OLFM2: variants seen among roughly 807,000 people sequenced by gnomAD.
The protein encoded by OLFM2 is noelin-2.
A neutral mutation model predicts 43.9 loss-of-function variants in OLFM2; 20 were observed. The observed-to-expected ratio is 0.46, with a 90% CI of 0.32 to 0.66. The LOEUF is 0.66. Ranked by LOEUF, OLFM2 falls within the 30% of genes least tolerant of loss-of-function variation. The pLI is 0.04. For missense variants in OLFM2, 416 were observed against 643.6 expected (o/e 0.65, Z 3.83); for synonymous variants, 268 against 278.6 (o/e 0.96, Z 0.38).
At chr19:9,931,225 G>C (rs773370247) in intron 1 of OLFM2, among the ~76,000 whole-genome samples, 19 of 152,182 alleles carry the variant, frequency 1.2e-4, no homozygotes, top group Admixed American at 3.3e-4. Context: ...TGGAATGTCA[G>C]GCACAGGTAA....
At chr19:9,888,991 G>A (rs867668114) in intron 1 of OLFM2, among the ~76,000 whole-genome samples, 9 of 152,084 alleles carry the variant, frequency 5.9e-5, no homozygotes, top group African/African-American at 1.4e-4. Context: ...GCTTGAAGCC[G>A]GGAGGCAGAG....
rs943265453 is a variant in OLFM2 at position 9,854,494 on chromosome 19, G to A, written c.1057C>T (p.His353Tyr). ...GNIVVSRLDP[H>Y]TLEVMRSWDT... ...CAGGACCGCATGACCTCGAGGGTGT[G>A]CGGGTCCAGCCGGCTGACCACGATG... is the stretch of plus-strand genomic sequence containing the variant. Residue 353 changes from histidine (H) to tyrosine (Y), a missense_variant, in exon 6 of 6, where the codon CAC (histidine) becomes TAC (tyrosine). Coordinates refer to ENST00000264833, the MANE Select transcript of OLFM2 (RefSeq NM_058164.4). The surrounding 1 kb of genome is among the most constrained non-coding windows in gnomAD (Gnocchi z 9.5). 2 of 1,613,848 alleles carry A rather than the reference G, an allele frequency of 1.2e-6. No homozygotes were observed. Among genetic ancestry groups the A allele is most frequent in the Non-Finnish European group, 1.7e-6 (2 of 1,180,042 alleles).
At chr19:9,907,675 G>C (rs2046795865) in intron 1 of OLFM2, among the ~76,000 whole-genome samples, 1 of 152,020 alleles carries the variant, frequency 6.6e-6, no homozygotes, top group South Asian at 2.1e-4. Context: ...GACAGACACA[G>C]AGAGACATGG....
chr19:9,913,557 A>G, intron 1 of OLFM2: 1 of 1,247,482 alleles, frequency 8.0e-7, no homozygotes, highest in South Asian at 2.3e-5. Flanking sequence ...TGCGACATCC[A>G]GTTGGTGACC....
At chr19:9,859,764 A>T (rs945601067) in intron 2 of OLFM2, among the ~76,000 whole-genome samples, 1 of 152,194 alleles carries the variant, frequency 6.6e-6, no homozygotes, top group Non-Finnish European at 1.5e-5. Flanking sequence ...GAGCTCACAC[A>T]CAGGAGACTC....
In OLFM2 at chr19:9,854,476, G is replaced by A. The variant is rs868535638; in HGVS notation, c.1075C>T (p.Arg359Trp). ...TTGGGGTAGCCGGTGTCCCAGGACCGCATGACCTCGAGGGTGTGCGGGTCC... is the reference window on the plus strand; with the variant it reads ...TTGGGGTAGCCGGTGTCCCAGGACCACATGACCTCGAGGGTGTGCGGGTCC... ...RLDPHTLEVM[R>W]SWDTGYPKRS... The change falls in exon 6 of 6, where the codon CGG becomes TGG. Residue 359 changes from arginine to tryptophan, a missense_variant. Arg to Trp is a moderately radical substitution (Grantham distance 101). Coordinates refer to ENST00000264833, the MANE Select transcript of OLFM2 (RefSeq NM_058164.4). This position sits in a 1 kb window ranked among gnomAD's most constrained non-coding sequence, Gnocchi z 9.5. 1.2e-6 allele frequency: 2 copies of A among 1,613,984 alleles called. No individual in the cohort carries two copies. The highest frequency in any genetic ancestry group is 1.7e-6 in the Non-Finnish European group (2 of 1,180,020).
At chr19:9,877,125 G>A (rs1036310509) in intron 1 of OLFM2, among the ~76,000 whole-genome samples, 5 of 151,402 alleles carry the variant, frequency 3.3e-5, no homozygotes, top group Non-Finnish European at 5.9e-5. Flanking sequence ...AGCTACTCGG[G>A]AGGCTGAGGG....
chr19:9,923,018 G>A (rs543885439), intron 1 of OLFM2, among the ~76,000 whole-genome samples: 1 of 152,228 alleles, frequency 6.6e-6, no homozygotes, highest in East Asian at 1.9e-4. Flanking sequence ...ACTACTGGTG[G>A]AAGAGTTGTT....
At chr19:9,893,353 C>T (rs926642864) in intron 1 of OLFM2, among the ~76,000 whole-genome samples, 4 of 151,854 alleles carry the variant, frequency 2.6e-5, no homozygotes, top group African/African-American at 9.7e-5. Context: ...TTAGTAGAGA[C>T]TGGGTTTCAC....
At chr19:9,908,609 G>A (rs1024556520) in intron 1 of OLFM2, among the ~76,000 whole-genome samples, 2 of 151,588 alleles carry the variant, frequency 1.3e-5, no homozygotes, top group Non-Finnish European at 2.9e-5. Flanking sequence ...TTCCCGAGTA[G>A]CTGGGACTGC....
In OLFM2 at chr19:9,857,826, C is replaced by T; in HGVS notation, c.249G>A (p.Glu83=). The T allele has an allele frequency of 6.2e-7, 1 of 1,614,132 alleles. No homozygotes were observed. Among genetic ancestry groups the T allele is most frequent in the Non-Finnish European group, 8.5e-7 (1 of 1,180,024 alleles). The change falls in exon 3 of 6, where the codon GAG becomes GAA. Residue 83 remains glutamate, a synonymous_variant. Coordinates refer to ENST00000264833, the MANE Select transcript of OLFM2 (RefSeq NM_058164.4). This position sits in a 1 kb window ranked among gnomAD's most constrained non-coding sequence, Gnocchi z 5.7. ...QNVSQSMEVL[E]LRTYRDLQYV... Reference sequence around the variant, plus strand: ...ACTGGAGGTCGCGATACGTCCGCAACTCAAGGACCTCCATGGACTGGGAGA... The same window carrying T: ...ACTGGAGGTCGCGATACGTCCGCAATTCAAGGACCTCCATGGACTGGGAGA...
chr19:9,929,327 T>C (rs1163741212), intron 1 of OLFM2, among the ~76,000 whole-genome samples: 3 of 151,892 alleles, frequency 2.0e-5, no homozygotes, highest in Non-Finnish European at 4.4e-5. Context: ...GCGCGGTGGC[T>C]CACACCTGTA....
At position 9,857,257 on chromosome 19, in the gene OLFM2, G is replaced by A; in HGVS notation, c.580+6C>T. The A allele has an allele frequency of 1.2e-6, 2 of 1,612,948 alleles. No homozygotes were observed. The highest frequency in any genetic ancestry group is 1.7e-6 in the Non-Finnish European group (2 of 1,179,548). On this transcript the variant is annotated splice_donor_region_variant and intron_variant, in intron 4 of 5. Transcript: ENST00000264833. The surrounding 1 kb of genome is among the most constrained non-coding windows in gnomAD (Gnocchi z 5.7). ...TCAGGGGTCAGGGTCAAGGGCCAAGGCATACCCAGCTTCTGGGCGCAGGCG... is the reference window on the plus strand; with the variant it reads ...TCAGGGGTCAGGGTCAAGGGCCAAGACATACCCAGCTTCTGGGCGCAGGCG...
intron 1 of OLFM2, among the ~76,000 whole-genome samples, chr19:9,902,970 G>A (rs753132890): frequency 2.6e-5 from 4 of 151,678 alleles, no homozygotes; most frequent in Non-Finnish European, 4.4e-5. Flanking sequence ...GTACCACCAC[G>A]CCCAGCTAAT....
At chr19:9,905,329 C>T (rs1192522998) in intron 1 of OLFM2, among the ~76,000 whole-genome samples, 1 of 151,988 alleles carries the variant, frequency 6.6e-6, no homozygotes, top group Non-Finnish European at 1.5e-5. Flanking sequence ...TAGTGGTGGG[C>T]GCCTGTGGTC....
chr19:9,862,446 C>T (rs924790563), intron 1 of OLFM2, among the ~76,000 whole-genome samples: 2 of 150,708 alleles, frequency 1.3e-5, no homozygotes, highest in Non-Finnish European at 3.0e-5. Context: ...CTGAAGGGGG[C>T]GGATCACTGA....
chr19:9,908,387 A>T (rs1444894194), intron 1 of OLFM2, among the ~76,000 whole-genome samples: 3 of 148,820 alleles, frequency 2.0e-5, no homozygotes, highest in Non-Finnish European at 4.4e-5. Context: ...GCTCACTGCA[A>T]CCTCTGCCTC....
chr19:9,919,197 C>T (rs905393975), intron 1 of OLFM2, among the ~76,000 whole-genome samples: 3 of 140,200 alleles, frequency 2.1e-5, no homozygotes, highest in Non-Finnish European at 4.5e-5. Context: ...GATGGAGTCT[C>T]GCTCTGTCAC....
rs141586949 is a variant in OLFM2, at chr19:9,875,388, C to T, written c.64-14594G>A. Among the ~76,000 whole-genome samples, 321 of 152,278 alleles carry T rather than the reference C, an allele frequency of 2.1e-3. 2 individuals carry two copies. Among genetic ancestry groups the T allele is most frequent in the African/African-American group, 7.3e-3 (305 of 41,570 alleles). On this transcript the variant is annotated intron_variant, in intron 1 of 5. Transcript: ENST00000264833. ...AGAGCGAGGGTTCTGGAATGATCCA[C>T]AGACTCTGATGTCCTCTCTGCCACA...
Sources: allele counts gnomAD v4.1 joint callset (sites outside exome capture counted in the v4.1 genomes callset), GRCh38; gene constraint gnomAD v4.1.1; non-coding constraint Gnocchi (gnomAD v3.1); transcripts MANE v1.5; gene names NCBI Gene and HGNC (gene_info 2026-07-23, HGNC 2026-07-21).